The following RAB1A variants were observed in gnomAD, a reference collection of about 807,000 sequenced individuals.
The protein encoded by RAB1A is ras-related protein Rab-1A.
In RAB1A, 2 loss-of-function variants were observed where a neutral mutation model predicts 26.0. The observed-to-expected ratio is 0.08, with a 90% CI of 0.03 to 0.24. RAB1A has a LOEUF of 0.24. Among genes scored for constraint, RAB1A ranks in the 10% least tolerant of loss-of-function variants. The pLI, the probability that RAB1A is intolerant of heterozygous loss-of-function variation, is 1.00. For synonymous variants in RAB1A, 84 were observed against 84.9 expected, an observed-to-expected ratio of 0.99 and a Z score of 0.06; for missense variants, 100 against 247.0, an observed-to-expected ratio of 0.40 and a Z score of 3.99.
At chr2:65,094,579 C>T (rs1194821643) in intron 3 of RAB1A, among the ~76,000 whole-genome samples, 2 of 99,656 alleles carry the variant, frequency 2.0e-5, no homozygotes, top group African/African-American at 7.9e-5. Flanking sequence ...AGCGAAACTC[C>T]GTCTCAAAAA....
chr2:65,111,138 G>C (rs1454759396), intron 1 of RAB1A, among the ~76,000 whole-genome samples: 1 of 152,066 alleles, frequency 6.6e-6, no homozygotes, highest in Non-Finnish European at 1.5e-5. Flanking sequence ...AACGCGGGTG[G>C]ATTGCCTGAG....
intron 1 of RAB1A, among the ~76,000 whole-genome samples, chr2:65,108,451 T>C (rs907389684): frequency 2.6e-5 from 4 of 152,166 alleles, no homozygotes; most frequent in African/African-American, 9.7e-5. Context: ...CAATTCTTTT[T>C]AAATTACCTT....
At position 65,129,970 on chromosome 2, in the gene RAB1A, C is replaced by T. The variant is rs1670201274; in HGVS notation, c.-55G>A. ...CGCCCTTGCTGCCGCAGCCGCCGCCCTGACTCTCCGCGCCACGGGTAATCG... is the reference window on the plus strand; with the variant it reads ...CGCCCTTGCTGCCGCAGCCGCCGCCTTGACTCTCCGCGCCACGGGTAATCG... On this transcript the variant is annotated 5_prime_UTR_variant, in exon 1 of 6. Coordinates refer to ENST00000409784, the MANE Select transcript of RAB1A (RefSeq NM_004161.5). 1.3e-6 allele frequency: 2 copies of T among 1,555,486 alleles called. No individual in the cohort carries two copies. The highest frequency in any genetic ancestry group is 8.7e-7 in the Non-Finnish European group (1 of 1,147,194).
At chr2:65,116,255 G>C (rs752761092) in intron 1 of RAB1A, among the ~76,000 whole-genome samples, 9 of 152,314 alleles carry the variant, frequency 5.9e-5, no homozygotes, top group South Asian at 4.1e-4. Flanking sequence ...AGTGACACAA[G>C]ATGACAAAAG....
rs192384851 is a variant in RAB1A, at chr2:65,116,169, A to T, written c.24-11363T>A. Reference sequence around the variant, plus strand: ...GAGACTCCATCTCAAAAAAATAAATAAATTAAATAAAATAAAAATAAAAAT... The same window carrying T: ...GAGACTCCATCTCAAAAAAATAAATTAATTAAATAAAATAAAAATAAAAAT... On this transcript the variant is annotated intron_variant, in intron 1 of 5. Coordinates refer to ENST00000409784, the MANE Select transcript of RAB1A (RefSeq NM_004161.5). 3.2e-3 allele frequency among the ~76,000 whole-genome samples: 480 copies of T among 152,240 alleles called. 3 individuals are homozygous for T. Among genetic ancestry groups the T allele is most frequent in the South Asian group, 0.019 (90 of 4,824 alleles).
At chr2:65,119,708 G>C (rs1164717178) in intron 1 of RAB1A, among the ~76,000 whole-genome samples, 1 of 151,410 alleles carries the variant, frequency 6.6e-6, no homozygotes, top group Non-Finnish European at 1.5e-5. Context: ...ACTTGTGTTA[G>C]TAGAGAATAA....
rs184542732 is a variant in RAB1A at position 65,099,064 on chromosome 2, T to G, written c.97-998A>C. ...GATGGTCAGGCTGGTCTCAAACTCC[T>G]GACCTCTAGTGATCCCCCTGCCTGA... On this transcript the variant is annotated intron_variant, in intron 2 of 5. Coordinates refer to ENST00000409784, the MANE Select transcript of RAB1A (RefSeq NM_004161.5). Among the ~76,000 whole-genome samples the G allele has an allele frequency of 5.1e-4, 77 of 152,270 alleles. No homozygotes were observed. In the East Asian group the frequency reaches 0.013, roughly 25 times the overall value.
intron 2 of RAB1A, among the ~76,000 whole-genome samples, chr2:65,100,316 A>C (rs1024261169): frequency 1.4e-5 from 2 of 147,712 alleles, no homozygotes; most frequent in African/African-American, 5.1e-5. Flanking sequence ...AAGGAGAATC[A>C]CTTGAACCCG....
chr2:65,125,614 G>A (rs1342641378), intron 1 of RAB1A, among the ~76,000 whole-genome samples: 1 of 151,516 alleles, frequency 6.6e-6, no homozygotes, highest in Non-Finnish European at 1.5e-5. Context: ...TAGAGGCAGT[G>A]TCTCATCATG....
intron 1 of RAB1A, among the ~76,000 whole-genome samples, chr2:65,118,367 G>A (rs966037514): frequency 6.6e-6 from 1 of 152,030 alleles, no homozygotes; most frequent in African/African-American, 2.4e-5. Context: ...TTTGTAAGCA[G>A]AGTCCATGTT....
At chr2:65,120,084 T>C (rs1558587268) in intron 1 of RAB1A, among the ~76,000 whole-genome samples, 1 of 152,048 alleles carries the variant, frequency 6.6e-6, no homozygotes, top group African/African-American at 2.4e-5. Flanking sequence ...AAATGGCCTT[T>C]TATAAATTTA....
chr2:65,105,881 G>A (rs929518214), intron 1 of RAB1A, among the ~76,000 whole-genome samples: 1 of 152,020 alleles, frequency 6.6e-6, no homozygotes, highest in Non-Finnish European at 1.5e-5. Flanking sequence ...TCCTGCCTCA[G>A]CCTCCCGAGT....
At chr2:65,094,408 A>C (rs1669237778) in intron 3 of RAB1A, among the ~76,000 whole-genome samples, 3 of 151,552 alleles carry the variant, frequency 2.0e-5, no homozygotes. Flanking sequence ...AACATGGAGA[A>C]ACCCCATCTC....
chr2:65,099,011 A>G (rs2103837122), intron 2 of RAB1A, among the ~76,000 whole-genome samples: 1 of 151,664 alleles, frequency 6.6e-6, no homozygotes, highest in South Asian at 2.1e-4. Context: ...TAATTTTTGT[A>G]CGTTTAGTAG....
intron 3 of RAB1A, among the ~76,000 whole-genome samples, chr2:65,092,510 G>T (rs774111639): frequency 3.3e-5 from 5 of 152,206 alleles, no homozygotes; most frequent in Non-Finnish European, 7.3e-5. Context: ...TATAGAAGCT[G>T]CTCAATAAAG....
rs1472386686 is a variant in RAB1A, at chr2:65,097,592, T to C, written c.192+379A>G. Among the ~76,000 whole-genome samples, 3 of 152,158 alleles carry C rather than the reference T, an allele frequency of 2.0e-5. No homozygotes were observed. In the South Asian group the frequency reaches 6.2e-4, roughly 31 times the overall value. On this transcript the variant is annotated intron_variant, in intron 3 of 5. Transcript: ENST00000409784. ...CTTCAACTGAGCCACATATGAAGAATCTCTTCCTAGGGTTCCTTTAATGTT... is the reference window on the plus strand; with the variant it reads ...CTTCAACTGAGCCACATATGAAGAACCTCTTCCTAGGGTTCCTTTAATGTT...
intron 1 of RAB1A, among the ~76,000 whole-genome samples, chr2:65,124,404 C>T (rs1670046975): frequency 6.6e-6 from 1 of 152,202 alleles, no homozygotes; most frequent in Non-Finnish European, 1.5e-5. Context: ...GGCACAGTCG[C>T]TACAAAAAAA....
chr2:65,088,573 C>G lies in RAB1A; in HGVS notation c.538G>C (p.Ala180Pro), dbSNP rs1669093872. The G allele has an allele frequency of 6.2e-7, 1 of 1,613,622 alleles. No homozygotes were observed. Among genetic ancestry groups the G allele is most frequent in the African/African-American group, 1.3e-5 (1 of 74,912 alleles). The stretch of plus-strand genomic sequence containing the variant: ...GACTTCTCAGCACCACCAGCTGTTG[C>G]TCCGGGACCCATTCGCTTTTTAATC... Reference protein sequence around the residue: ...AEIKKRMGPGATAGGAEKSNV... With the variant: ...AEIKKRMGPGPTAGGAEKSNV... Residue 180 changes from alanine (A) to proline (P), a missense_variant, in exon 6 of 6, where the codon GCA (alanine) becomes CCA (proline). Ala to Pro is a conservative substitution (Grantham distance 27, BLOSUM62 -1). Around this residue, in one of 2 missense-constraint regions of RAB1A, gnomAD observed 67 missense variants for 122.9 expected, o/e 0.55. Coordinates refer to ENST00000409784, the MANE Select transcript of RAB1A (RefSeq NM_004161.5).
chr2:65,117,121 A>G (rs1414518031), intron 1 of RAB1A, among the ~76,000 whole-genome samples: 1 of 142,060 alleles, frequency 7.0e-6, no homozygotes, highest in Non-Finnish European at 1.5e-5. Flanking sequence ...GCTGAAGTGC[A>G]GTGGTGCAAT....
Sources: gnomAD v4.1 joint callset for allele counts (sites outside exome capture counted in the v4.1 genomes callset) on GRCh38, gnomAD v4.1.1 for gene constraint, gnomAD v4.1.1 regional missense constraint, MANE v1.5 for transcripts, NCBI Gene and HGNC (gene_info 2026-07-23, HGNC 2026-07-21) for gene names.